The following COL4A1 variants were observed in gnomAD, a reference collection of about 807,000 sequenced individuals.
The protein encoded by COL4A1 is collagen type IV alpha 1 chain.
COL4A1 carries 40 observed loss-of-function variants against 216.6 expected under a neutral mutation model. That is an observed-to-expected ratio of 0.18 (90% CI 0.14 to 0.24). The LOEUF (loss-of-function observed/expected upper bound fraction) is 0.24, where lower values mean the gene tolerates loss of function less well. Among genes scored for constraint, COL4A1 ranks in the 10% least tolerant of loss-of-function variants. COL4A1 has a pLI of 1.00. For synonymous variants in COL4A1, 839 were observed against 810.7 expected (o/e 1.03, Z -0.59); for missense variants, 1,628 against 2,196.8 (o/e 0.74, Z 5.18).
At chr13:110,213,498 G>A (rs1262082348) in intron 4 of COL4A1, among the ~76,000 whole-genome samples, 2 of 152,146 alleles carry the variant, frequency 1.3e-5, no homozygotes, top group African/African-American at 4.8e-5. Flanking sequence ...ATTAAAAAAT[G>A]CCCAGAAGAG....
chr13:110,302,800 A>G (rs1884547085), intron 1 of COL4A1, among the ~76,000 whole-genome samples: 1 of 152,194 alleles, frequency 6.6e-6, no homozygotes, highest in Admixed American at 6.5e-5. Flanking sequence ...ACATTTTTTC[A>G]TGGTTGCTTA....
chr13:110,214,513 T>TGG (rs1879975577), intron 2 of COL4A1, among the ~76,000 whole-genome samples: 1 of 152,162 alleles, frequency 6.6e-6, no homozygotes, highest in Non-Finnish European at 1.5e-5. Context: ...TTTGAATACA[T>TGG]GGACAGTAAG....
intron 1 of COL4A1, among the ~76,000 whole-genome samples, chr13:110,252,027 AAATT>A (rs1279816641): frequency 6.6e-6 from 1 of 152,216 alleles, no homozygotes. Context: ...AATCATAAAT[AAATT>A]ACTTTTTTTT....
chr13:110,271,806 CATT>C (rs1162509426), intron 1 of COL4A1, among the ~76,000 whole-genome samples: 1 of 152,178 alleles, frequency 6.6e-6, no homozygotes, highest in African/African-American at 2.4e-5. Flanking sequence ...TCATTTTCAT[CATT>C]GTTCTGTGGT....
At chr13:110,299,771 T>C (rs1238879612) in intron 1 of COL4A1, among the ~76,000 whole-genome samples, 1 of 152,230 alleles carries the variant, frequency 6.6e-6, no homozygotes. Flanking sequence ...GCCAGACTAA[T>C]CGTAGGGTCC....
chr13:110,219,688 A>ATGTATATATATGTATATATATG (rs1555307874), intron 2 of COL4A1, among the ~76,000 whole-genome samples: 6,744 of 113,778 alleles, frequency 0.059, 278 homozygotes, highest in East Asian at 0.18. Flanking sequence ...GTGTATATAT[A>ATGTATATATATGTATATATATG]TGTATATATA....
chr13:110,250,840 G>T (rs72509), intron 1 of COL4A1, among the ~76,000 whole-genome samples: 126,927 of 152,162 alleles, frequency 0.83, 53,127 homozygotes, highest in Non-Finnish European at 0.86. Context: ...GTCCCACGGA[G>T]CCCCTCCCAA....
chr13:110,264,603 A>C (rs1035853108), intron 1 of COL4A1, among the ~76,000 whole-genome samples: 9 of 152,268 alleles, frequency 5.9e-5, no homozygotes, highest in African/African-American at 1.9e-4. Flanking sequence ...TGCCAACTCT[A>C]GTTCCATACT....
At chr13:110,169,577 C>G (rs1445043482) in intron 43 of COL4A1, 52 bp downstream of exon 43, 1 of 1,610,264 alleles carries the variant, frequency 6.2e-7, no homozygotes, top group East Asian at 2.2e-5. Flanking sequence ...ATGAATACTT[C>G]TGGCCAGAAA....
intron 1 of COL4A1, among the ~76,000 whole-genome samples, chr13:110,278,281 G>A (rs1381432782): frequency 6.6e-6 from 1 of 152,106 alleles, no homozygotes. Context: ...TTTCCACAAT[G>A]TATTCACAGA....
intron 2 of COL4A1, among the ~76,000 whole-genome samples, chr13:110,214,347 C>A (rs1373740626): frequency 6.6e-6 from 1 of 152,166 alleles, no homozygotes; most frequent in African/African-American, 2.4e-5. Flanking sequence ...ACCTCGGCCA[C>A]CAAAAGTGCT....
intron 2 of COL4A1, among the ~76,000 whole-genome samples, chr13:110,234,555 C>G (rs1881216112): frequency 6.6e-6 from 1 of 151,854 alleles, no homozygotes; most frequent in African/African-American, 2.4e-5. Context: ...GTACTCCAGC[C>G]TGAGTGACAG....
At chr13:110,288,821 C>T (rs1379577492) in intron 1 of COL4A1, among the ~76,000 whole-genome samples, 1 of 152,166 alleles carries the variant, frequency 6.6e-6, no homozygotes, top group African/African-American at 2.4e-5. Context: ...ATCACGAGGT[C>T]AGGAGTTCCA....
chr13:110,190,891 T>C (rs1878597279), intron 24 of COL4A1: 1 of 152,228 alleles, frequency 6.6e-6, no homozygotes, highest in Non-Finnish European at 1.5e-5. Flanking sequence ...ATTCCTTCTT[T>C]CTCACCTCTT....
chr13:110,201,281 G>T (rs1319458592), intron 19 of COL4A1, 157 bp downstream of exon 19: 4 of 591,782 alleles, frequency 6.8e-6, no homozygotes, highest in Non-Finnish European at 1.2e-5. Flanking sequence ...AGGAGGGGGA[G>T]GAGGAAGAGA....
chr13:110,168,928 G>A (rs1877471483), intron 43 of COL4A1, among the ~76,000 whole-genome samples: 1 of 152,290 alleles, frequency 6.6e-6, no homozygotes, highest in South Asian at 2.1e-4. Flanking sequence ...GAATGAGCGA[G>A]CCACGTAAAC....
intron 51 of COL4A1, 69 bp from the exon 52 acceptor site, chr13:110,150,513 C>A: frequency 6.8e-7 from 1 of 1,480,950 alleles, no homozygotes; most frequent in South Asian, 1.2e-5. Context: ...GGCACTCCTG[C>A]CCTGCTCGGA....
At chr13:110,153,651 C>T (rs986145197) in intron 50 of COL4A1, among the ~76,000 whole-genome samples, 2 of 152,182 alleles carry the variant, frequency 1.3e-5, no homozygotes, top group Non-Finnish European at 1.5e-5. Context: ...CTGGCTCTCT[C>T]GATAAAGTAG....
chr13:110,179,024 G>A lies in COL4A1; in HGVS notation c.2357C>T (p.Pro786Leu). Residue 786 changes from proline to leucine, a missense_variant, in exon 31 of 52, where the codon CCT (proline) becomes CTT (leucine). Pro to Leu is a moderately conservative substitution (Grantham distance 98). Transcript: ENST00000375820. Reference protein sequence around the residue: ...GLQGIRGEPGPPGLPGSVGSP... With the variant: ...GLQGIRGEPGLPGLPGSVGSP... ...CCCCACGGAGCCTGGCAATCCAGGAGGTCCCGGTTCACCTGGAGAAGAAAA... is the reference window on the plus strand; with the variant it reads ...CCCCACGGAGCCTGGCAATCCAGGAAGTCCCGGTTCACCTGGAGAAGAAAA... 1.9e-6 allele frequency: 3 copies of A among 1,610,820 alleles called. No homozygotes were observed. The highest frequency in any genetic ancestry group is 2.5e-6 in the Non-Finnish European group (3 of 1,178,902).
Sources: allele counts gnomAD v4.1 joint callset (sites outside exome capture counted in the v4.1 genomes callset), GRCh38; gene constraint gnomAD v4.1.1; transcripts MANE v1.5; gene names NCBI Gene and HGNC (gene_info 2026-07-23, HGNC 2026-07-21).